The following DLG2 variants were observed in gnomAD, a reference collection of about 807,000 sequenced individuals.
The protein encoded by DLG2 is disks large homolog 2.
DLG2 carries 45 observed loss-of-function variants against 132.5 expected under a neutral mutation model. The ratio of observed to expected loss-of-function variants is 0.34; its 90% CI spans 0.27 to 0.44. The LOEUF (loss-of-function observed/expected upper bound fraction) is 0.44, where lower values mean the gene tolerates loss of function less well. Among genes scored for constraint, DLG2 ranks in the 20% least tolerant of loss-of-function variants. DLG2 has a pLI of 1.00. For missense variants in DLG2, 1,045 were observed against 1,196.9 expected (o/e 0.87, Z 1.87); for synonymous variants, 424 against 419.6 (o/e 1.01, Z -0.13).
chr11:83,866,597 A>G (rs1040417779), intron 16 of DLG2, among the ~76,000 whole-genome samples: 29 of 152,140 alleles, frequency 1.9e-4, no homozygotes, highest in African/African-American at 6.5e-4. Flanking sequence ...GATATATTTA[A>G]TTATATAACA....
intron 5 of DLG2, among the ~76,000 whole-genome samples, chr11:85,134,504 G>C (rs948904890): frequency 2.2e-5 from 3 of 136,940 alleles, no homozygotes; most frequent in Admixed American, 1.5e-4. Context: ...ACTCCAGCCT[G>C]GGCAACAGAG....
At chr11:84,798,513 G>C (rs192726501) in intron 6 of DLG2, among the ~76,000 whole-genome samples, 13 of 152,192 alleles carry the variant, frequency 8.5e-5, no homozygotes, top group African/African-American at 3.1e-4. Context: ...TTAGACTCAG[G>C]GGCTCTTCAG....
intron 3 of DLG2, among the ~76,000 whole-genome samples, chr11:85,475,532 A>C (rs2093114864): frequency 6.6e-6 from 1 of 152,058 alleles, no homozygotes; most frequent in African/African-American, 2.4e-5. Flanking sequence ...ATGCTTTGCT[A>C]ATATAAACTC....
At chr11:84,532,022 A>C (rs549294357) in intron 7 of DLG2, among the ~76,000 whole-genome samples, 11 of 152,136 alleles carry the variant, frequency 7.2e-5, no homozygotes, top group Admixed American at 3.3e-4. Flanking sequence ...TGCAATCACC[A>C]AAACAGCAGA....
intron 6 of DLG2, among the ~76,000 whole-genome samples, chr11:84,776,821 C>T (rs1027429420): frequency 6.6e-6 from 1 of 152,072 alleles, no homozygotes; most frequent in African/African-American, 2.4e-5. Flanking sequence ...CATTTGGTAT[C>T]TTTCCAGCTA....
chr11:84,686,015 A>G (rs1474229377), intron 6 of DLG2, among the ~76,000 whole-genome samples: 1 of 152,216 alleles, frequency 6.6e-6, no homozygotes, highest in Non-Finnish European at 1.5e-5. Context: ...GGCCAGCAGC[A>G]GTTCTGATGC....
chr11:85,315,585 A>T (rs530238267), intron 3 of DLG2, among the ~76,000 whole-genome samples: 1 of 152,116 alleles, frequency 6.6e-6, no homozygotes, highest in African/African-American at 2.4e-5. Flanking sequence ...CTTCCAATGC[A>T]GGGAGCAACA....
intron 3 of DLG2, among the ~76,000 whole-genome samples, chr11:85,426,178 G>A (rs2090715461): frequency 6.6e-6 from 1 of 152,148 alleles, no homozygotes; most frequent in African/African-American, 2.4e-5. Flanking sequence ...GCTCAAGGAG[G>A]CCTGCCTACC....
chr11:84,802,425 G>C (rs550831899), intron 6 of DLG2, among the ~76,000 whole-genome samples: 2 of 152,204 alleles, frequency 1.3e-5, no homozygotes, highest in East Asian at 1.9e-4. Flanking sequence ...CTAAGGATTA[G>C]GGCAAGAGAG....
intron 15 of DLG2, among the ~76,000 whole-genome samples, chr11:83,902,307 G>A (rs2073677123): frequency 6.6e-6 from 1 of 152,068 alleles, no homozygotes; most frequent in Non-Finnish European, 1.5e-5. Context: ...CAGATTACTA[G>A]CCTTCATTGG....
intron 6 of DLG2, among the ~76,000 whole-genome samples, chr11:84,713,968 T>C (rs1469502609): frequency 6.6e-6 from 1 of 152,048 alleles, no homozygotes; most frequent in Non-Finnish European, 1.5e-5. Context: ...ATTATTCAAA[T>C]GCAGACTCAA....
At chr11:84,124,032 G>A (rs1220003336) in intron 9 of DLG2, among the ~76,000 whole-genome samples, 1 of 152,170 alleles carries the variant, frequency 6.6e-6, no homozygotes, top group Non-Finnish European at 1.5e-5. Context: ...CTAGCAAACT[G>A]TCATTCAAAA....
chr11:84,123,778 T>C (rs568088165), intron 9 of DLG2, among the ~76,000 whole-genome samples: 6 of 152,350 alleles, frequency 3.9e-5, no homozygotes, highest in Middle Eastern at 3.4e-3. Flanking sequence ...TATATCTTAA[T>C]ATATTTTTCC....
chr11:84,057,995 A>G (rs1318336142), intron 11 of DLG2, among the ~76,000 whole-genome samples: 1 of 152,126 alleles, frequency 6.6e-6, no homozygotes, highest in Non-Finnish European at 1.5e-5. Context: ...AACCCTATGG[A>G]TTGATGCTAC....
chr11:84,609,356 A>G (rs1401745288), intron 6 of DLG2, among the ~76,000 whole-genome samples: 1 of 152,178 alleles, frequency 6.6e-6, no homozygotes, highest in Non-Finnish European at 1.5e-5. Flanking sequence ...GAGAAGTAGT[A>G]ATAATAGTCA....
In DLG2 at chr11:85,543,834, GTTTGT is replaced by G. The variant is rs534748768; in HGVS notation, c.40+54818_40+54822del. Among the ~76,000 whole-genome samples the G allele has an allele frequency of 9.9e-3, 1,414 of 143,438 alleles. 18 individuals are homozygous for G. The highest frequency in any genetic ancestry group is 0.036 in the African/African-American group (1,332 of 37,096). 94.1% of individuals were successfully genotyped at this position (143,438 alleles called of 152,430 possible). A position where few individuals can be genotyped will look rare whatever the true frequency, so the allele number is the denominator to read the frequency against. ...CCTTCATTCACTTTTTGATGGGGTT[GTTTGT>G]TTTTTTTTCTTGTAAATTTGTTTAA... On this transcript the variant is annotated intron_variant, in intron 3 of 27. Coordinates refer to ENST00000376104, the MANE Select transcript of DLG2 (RefSeq NM_001142699.3).
At chr11:84,296,993 G>A (rs1461518497) in intron 7 of DLG2, among the ~76,000 whole-genome samples, 1 of 151,950 alleles carries the variant, frequency 6.6e-6, no homozygotes, top group African/African-American at 2.4e-5. Flanking sequence ...ATATTGGGTG[G>A]GGATGATCTA....
chr11:83,980,214 G>A (rs1188474892), intron 12 of DLG2, among the ~76,000 whole-genome samples: 1 of 152,056 alleles, frequency 6.6e-6, no homozygotes, highest in Admixed American at 6.6e-5. Context: ...TTTGTAAGAA[G>A]AGAAAGAGAG....
chr11:83,669,918 G>C (rs2076552278), intron 18 of DLG2, among the ~76,000 whole-genome samples: 3 of 152,194 alleles, frequency 2.0e-5, no homozygotes, highest in Admixed American at 2.0e-4. Flanking sequence ...GGATTTAAGA[G>C]GGAAAGATAG....
Sources: gnomAD v4.1 joint callset for allele counts (sites outside exome capture counted in the v4.1 genomes callset) on GRCh38, gnomAD v4.1.1 for gene constraint, MANE v1.5 for transcripts, NCBI Gene and HGNC (gene_info 2026-07-23, HGNC 2026-07-21) for gene names.